The following ST3GAL4 variants were observed in gnomAD, a reference collection of about 807,000 sequenced individuals.
ST3GAL4 encodes the protein CMP-N-acetylneuraminate-beta-galactosamide-alpha-2,3-sialyltransferase 4.
Under a neutral mutation model 42.6 loss-of-function variants are expected in ST3GAL4, and 24 were observed. The observed-to-expected ratio is 0.56, with a 90% CI of 0.41 to 0.79. ST3GAL4 has a LOEUF of 0.79. Among genes scored for constraint, ST3GAL4 ranks in the 30% least tolerant of loss-of-function variants. The pLI is 0.00. For missense variants in ST3GAL4, 311 were observed against 430.8 expected, an observed-to-expected ratio of 0.72 and a Z score of 2.46; for synonymous variants, 135 against 163.2, an observed-to-expected ratio of 0.83 and a Z score of 1.32.
chr11:126,407,581 G>A lies in ST3GAL4; in HGVS notation c.288G>A (p.Leu96=), dbSNP rs201389657. 55 of 1,614,150 alleles carry A rather than the reference G, an allele frequency of 3.4e-5. No individual in the cohort carries two copies. In the East Asian group the frequency reaches 1.1e-3, roughly 31 times the overall value. Residue 96 remains leucine (L), a synonymous_variant, in exon 6 of 11, where the codon CTG becomes CTA. Transcript: ENST00000444328. Reference sequence around the variant, plus strand: ...GCCTGGTACTTTTTGTAGAGGATCTGCTCCTCCGGGTGCTAGCCATCACCA... The same window carrying A: ...GCCTGGTACTTTTTGTAGAGGATCTACTCCTCCGGGTGCTAGCCATCACCA... The part of the protein sequence containing the change: ...LPYGTKGSED[L]LLRVLAITSS...
At chr11:126,357,366 A>T (rs1952106595) in intron 1 of ST3GAL4, among the ~76,000 whole-genome samples, 1 of 152,170 alleles carries the variant, frequency 6.6e-6, no homozygotes, top group Non-Finnish European at 1.5e-5. Context: ...GTGCACATGG[A>T]AGGAAGAGTT....
chr11:126,403,235 A>G (rs1954087125), intron 1 of ST3GAL4: 1 of 353,480 alleles, frequency 2.8e-6, no homozygotes. Context: ...TTAGCGCAAC[A>G]CTGACGCTGT....
At chr11:126,377,756 G>C (rs1952874597) in intron 1 of ST3GAL4, among the ~76,000 whole-genome samples, 1 of 152,160 alleles carries the variant, frequency 6.6e-6, no homozygotes, top group South Asian at 2.1e-4. Flanking sequence ...GATTATAGGC[G>C]TGAGCCATGC....
In ST3GAL4 at chr11:126,358,585, G is replaced by A. The variant is rs1032203757; in HGVS notation, c.-61+2743G>A. The A allele has an allele frequency of 6.2e-5, 23 of 368,986 alleles. No individual in the cohort carries two copies. In the Admixed American group the frequency reaches 6.5e-4, roughly 10 times the overall value. 22.9% of individuals were successfully genotyped at this position (368,986 alleles called of 1,614,324 possible). ...TAGCTTCACGTGAGAGCAGCAGCGT[G>A]CGATGCCCAGGCCCTAGCCAAGTGC... On this transcript the variant is annotated intron_variant, in intron 1 of 10. Transcript: ENST00000444328.
Position 126,383,382 on chromosome 11 carries a change from G to A in ST3GAL4, c.-60-22714G>A, listed in dbSNP as rs1298375048. Among the ~76,000 whole-genome samples the A allele has an allele frequency of 6.6e-6, 1 of 152,212 alleles. No homozygotes were observed. The highest frequency in any genetic ancestry group is 1.5e-5 in the Non-Finnish European group (1 of 68,022). On this transcript the variant is annotated intron_variant, in intron 1 of 10. Coordinates refer to ENST00000444328, the MANE Select transcript of ST3GAL4 (RefSeq NM_001254757.2). The surrounding 1 kb of genome is among the most constrained non-coding windows in gnomAD (Gnocchi z 4.5). ...CTGCAAGCTGACAGAGTCTCCAGGA[G>A]CCAGAGCTGGGGTGGGAGGAACCCA...
rs1319204271 is a variant in ST3GAL4, at chr11:126,406,851, C to A, written c.102-92C>A. 2 of 1,213,150 alleles carry A rather than the reference C, an allele frequency of 1.6e-6. No homozygotes were observed. Among genetic ancestry groups the A allele is most frequent in the East Asian group, 4.7e-5 (2 of 42,978 alleles). The allele number at this position is 1,213,150 out of a possible 1,614,324, so 75.1% of individuals were successfully genotyped here. ...ATGATTCCTCCCCGGCACCTTGGGA[C>A]CTTCATGCCGTGGGAGAAGGCTTAG... On this transcript the variant is annotated intron_variant, in intron 3 of 10. Transcript: ENST00000444328. This position sits in a 1 kb window ranked among gnomAD's most constrained non-coding sequence, Gnocchi z 5.4.
Position 126,407,748 on chromosome 11 carries a change from C to T in ST3GAL4, c.341+114C>T, listed in dbSNP as rs1241605200. On this transcript the variant is annotated intron_variant, in intron 6 of 10. Transcript: ENST00000444328. ...TGAAACAGTCATGGACTGGTACCAT[C>T]CCAGCCAATTCTCATGGTAGCCTAG... 5 of 1,121,702 alleles carry T rather than the reference C, an allele frequency of 4.5e-6. No individual in the cohort carries two copies. The East Asian group carries it at 1.3e-4, about 29-fold the overall frequency. 69.5% of individuals were successfully genotyped at this position (1,121,702 alleles called of 1,614,324 possible).
At chr11:126,371,163 C>CTTTTTTTTTTTCTTTTTTTTTTTTTTTTT in intron 1 of ST3GAL4, among the ~76,000 whole-genome samples, 1 of 59,974 alleles carries the variant, frequency 1.7e-5, no homozygotes, top group Non-Finnish European at 3.0e-5. Flanking sequence ...CCCCACATTC[C>CTTTTTTTTTTTCTTTTTTTTTTTTTTTTT]TTTTTTTTTT....
chr11:126,395,669 C>T (rs1308998148), intron 1 of ST3GAL4, among the ~76,000 whole-genome samples: 4 of 152,266 alleles, frequency 2.6e-5, no homozygotes, highest in Admixed American at 2.0e-4. Context: ...TCAGGTGAGC[C>T]GATGGTTTTA....
At chr11:126,382,879 C>T (rs1306655447) in intron 1 of ST3GAL4, among the ~76,000 whole-genome samples, 1 of 152,246 alleles carries the variant, frequency 6.6e-6, no homozygotes, top group Non-Finnish European at 1.5e-5. Flanking sequence ...GCTAAAGCCT[C>T]AGGGCTTGAG....
intron 1 of ST3GAL4, among the ~76,000 whole-genome samples, chr11:126,365,968 G>GGGCTCA (rs1240327739): frequency 2.0e-5 from 3 of 152,186 alleles, no homozygotes; most frequent in Non-Finnish European, 4.4e-5. Context: ...CACACCTGTG[G>GGGCTCA]GGCTCATAGG....
chr11:126,389,931 TGGGAGG>T (rs1358409263), intron 1 of ST3GAL4, among the ~76,000 whole-genome samples: 1 of 146,254 alleles, frequency 6.8e-6, no homozygotes, highest in African/African-American at 2.6e-5. Context: ...CCCAGCACAC[TGGGAGG>T]CCGAGGCGGG....
chr11:126,360,106 C>T (rs1565389853), intron 1 of ST3GAL4, among the ~76,000 whole-genome samples: 1 of 152,232 alleles, frequency 6.6e-6, no homozygotes, highest in Non-Finnish European at 1.5e-5. Flanking sequence ...AGCTGTTTTG[C>T]CCACAGACAA....
rs1261408118 is a variant in ST3GAL4 at position 126,363,037 on chromosome 11, G to A, written c.-61+7195G>A. 6.6e-6 allele frequency among the ~76,000 whole-genome samples: 1 copy of A among 152,184 alleles called. No homozygotes were observed. The highest frequency in any genetic ancestry group is 1.5e-5 in the Non-Finnish European group (1 of 68,030). On this transcript the variant is annotated intron_variant, in intron 1 of 10. Coordinates refer to ENST00000444328, the MANE Select transcript of ST3GAL4 (RefSeq NM_001254757.2). This position sits in a 1 kb window ranked among gnomAD's most constrained non-coding sequence, Gnocchi z 4.6. ...GCCCATTCAGCTGGTCTGTTCTCCA[G>A]GCCCCTAGGACTGGGTGGGCTAAGA...
In ST3GAL4 at chr11:126,411,431, C is replaced by T. The variant is rs1649850343; in HGVS notation, c.771+2020C>T. Among the ~76,000 whole-genome samples the T allele has an allele frequency of 6.6e-6, 1 of 152,146 alleles. No homozygotes were observed. Among genetic ancestry groups the T allele is most frequent in the South Asian group, 2.1e-4 (1 of 4,820 alleles). On this transcript the variant is annotated intron_variant, in intron 9 of 10. Coordinates refer to ENST00000444328, the MANE Select transcript of ST3GAL4 (RefSeq NM_001254757.2). This position sits in a 1 kb window ranked among gnomAD's most constrained non-coding sequence, Gnocchi z 6.3. The stretch of plus-strand genomic sequence containing the variant: ...GGGATTACAGGTGTGAGCCACTGCG[C>T]CTGGCCTGTATTAGCTTTCTGTTGC...
chr11:126,370,399 C>T (rs924920460), intron 1 of ST3GAL4, among the ~76,000 whole-genome samples: 19 of 152,136 alleles, frequency 1.2e-4, no homozygotes, highest in African/African-American at 4.3e-4. Context: ...ATTTATATTT[C>T]TCTACAGTAA....
Position 126,383,486 on chromosome 11 carries a change from A to T in ST3GAL4, c.-60-22610A>T, listed in dbSNP as rs1953089775. 6.6e-6 allele frequency among the ~76,000 whole-genome samples: 1 copy of T among 152,100 alleles called. No individual in the cohort carries two copies. Among genetic ancestry groups the T allele is most frequent in the Non-Finnish European group, 1.5e-5 (1 of 68,020 alleles). ...CCAGCCCTGAGGAATGGGGGAAAAG[A>T]GTGCCCTGGCTTGGGGGGGCCCTCA... is the stretch of plus-strand genomic sequence containing the variant. On this transcript the variant is annotated intron_variant, in intron 1 of 10. Transcript: ENST00000444328. The surrounding 1 kb of genome is among the most constrained non-coding windows in gnomAD (Gnocchi z 4.5).
intron 1 of ST3GAL4, among the ~76,000 whole-genome samples, chr11:126,380,990 G>A (rs1214066153): frequency 6.6e-6 from 1 of 152,264 alleles, no homozygotes; most frequent in East Asian, 1.9e-4. Context: ...GTGCAGATGA[G>A]TGTGTGAGAG....
At chr11:126,377,103 T>G (rs548175716) in intron 1 of ST3GAL4, among the ~76,000 whole-genome samples, 1 of 152,170 alleles carries the variant, frequency 6.6e-6, no homozygotes, top group African/African-American at 2.4e-5. Flanking sequence ...GCCCATCTAA[T>G]GAAAAACCCA....
Sources: allele counts gnomAD v4.1 joint callset (sites outside exome capture counted in the v4.1 genomes callset), GRCh38; gene constraint gnomAD v4.1.1; non-coding constraint Gnocchi (gnomAD v3.1); transcripts MANE v1.5; gene names NCBI Gene and HGNC (gene_info 2026-07-23, HGNC 2026-07-21).